The following C6orf120 variants were observed in gnomAD, a reference collection of about 807,000 sequenced individuals.
C6orf120 encodes the protein UPF0669 protein C6orf120.
For synonymous variants in C6orf120, 165 were observed against 123.1 expected (o/e 1.34, Z -2.25); for missense variants, 311 against 264.2 (o/e 1.18, Z -1.23).
chr6:169,704,939 T>C (rs1788724252), downstream of C6orf120: 4 of 426,638 alleles, frequency 9.4e-6, no homozygotes, highest in Non-Finnish European at 1.7e-5. Flanking sequence ...TTCTGGCCTT[T>C]CACTTATCCT....
At position 169,702,851 on chromosome 6, in the gene C6orf120, TGAA is replaced by T. The variant is rs745394722; in HGVS notation, c.394_396del (p.Lys132del). The stretch of plus-strand genomic sequence containing the variant: ...TCCCACCTGGAGAGCGAGTTCGAGA[TGAA>T]GGTGTACTACGACGGCACGGTCGAG... On this transcript the variant is annotated inframe_deletion, in exon 1 of 1. Transcript: ENST00000332290. 5.6e-6 allele frequency: 9 copies of T among 1,612,004 alleles called. 1 individual carries two copies. Among genetic ancestry groups the T allele is most frequent in the South Asian group, 5.5e-5 (5 of 91,078 alleles).
chr6:169,705,618 C>T, downstream of C6orf120: 2 of 1,363,928 alleles, frequency 1.5e-6, no homozygotes, highest in Non-Finnish European at 2.1e-6. Flanking sequence ...ATACTTACCA[C>T]TATTCTCACA....
At chr6:169,704,036 C>T in exon 1 of C6orf120, 1 of 1,600,082 alleles carries the variant, frequency 6.2e-7, no homozygotes, top group Admixed American at 1.8e-5. Context: ...CCCTTCTGCC[C>T]ACTTTCCTGG....
exon 1 of C6orf120, chr6:169,702,263 T>C (rs1788320557): frequency 1.6e-5 from 11 of 691,810 alleles, no homozygotes; most frequent in South Asian, 1.4e-4. Context: ...GGCGCCGCGC[T>C]ACGGGGGAGG....
chr6:169,704,872 A>G (rs1489879712), downstream of C6orf120: 3 of 347,588 alleles, frequency 8.6e-6, no homozygotes, highest in African/African-American at 6.3e-5. Context: ...TTAGTATTTC[A>G]GTAGAAAAAC....
At chr6:169,702,731 A>G in exon 1 of C6orf120, 1 of 1,613,532 alleles carries the variant, frequency 6.2e-7, no homozygotes, top group Non-Finnish European at 8.5e-7. Flanking sequence ...AGCTTCGACG[A>G]CTACGAGCTG....
exon 1 of C6orf120, chr6:169,704,310 G>GATGCAATGCCAT: frequency 2.0e-6 from 1 of 494,224 alleles, no homozygotes; most frequent in Non-Finnish European, 3.6e-6. Context: ...GGATGGGAGA[G>GATGCAATGCCAT]ATGCAATGCC....
chr6:169,705,391 A>G, downstream of C6orf120: 1 of 1,071,872 alleles, frequency 9.3e-7, no homozygotes, highest in Non-Finnish European at 1.4e-6. Context: ...ATAAAATACT[A>G]GTTTGCTTTA....
At chr6:169,705,738 A>G (rs778638360), downstream of C6orf120, 1 of 1,237,460 alleles carries the variant, frequency 8.1e-7, no homozygotes, top group South Asian at 1.2e-5. Flanking sequence ...GAAGGGTAGA[A>G]GAGGGCTATA....
At chr6:169,702,915 C>T (rs1427769380) in exon 1 of C6orf120, 2 of 1,612,700 alleles carry the variant, frequency 1.2e-6, no homozygotes, top group East Asian at 2.2e-5. Flanking sequence ...ACCCCGCCGA[C>T]GGCGCAGATG....
Position 169,704,228 on chromosome 6 carries a change from CTTAAT to C in C6orf120, c.*1198_*1202del, listed in dbSNP as rs1470324951. The C allele has an allele frequency of 1.2e-5, 7 of 578,454 alleles. No individual in the cohort carries two copies. In the Admixed American group the frequency reaches 2.1e-4, roughly 17 times the overall value. 35.8% of individuals were successfully genotyped at this position (578,454 alleles called of 1,614,324 possible). ...GTGGTGAGAAGGGCACTATGAGTTCCTTAATTTAAGGAAAAAATGTAAACTTAATC... is the reference window on the plus strand; with the variant it reads ...GTGGTGAGAAGGGCACTATGAGTTCCTTAAGGAAAAAATGTAAACTTAATC... On this transcript the variant is annotated 3_prime_UTR_variant, in exon 1 of 1. Coordinates refer to ENST00000332290, the Ensembl canonical transcript of C6orf120.
chr6:169,702,511 C>T (rs533725142), exon 1 of C6orf120: 1 of 1,605,880 alleles, frequency 6.2e-7, no homozygotes, highest in Non-Finnish European at 8.5e-7. Context: ...CCTGCTGCTG[C>T]TCCTAGCCTC....
chr6:169,706,264 C>A (rs930722638), downstream of C6orf120, among the ~76,000 whole-genome samples: 3 of 152,124 alleles, frequency 2.0e-5, no homozygotes, highest in Admixed American at 6.6e-5. Context: ...AAAGATGTCT[C>A]ATGCATACAT....
At position 169,702,636 on chromosome 6, in the gene C6orf120, GA is replaced by G. The variant is rs1445373571; in HGVS notation, c.179del (p.Asn60ThrfsTer6). On this transcript the variant is annotated frameshift_variant, in exon 1 of 1. Transcript: ENST00000332290. LOFTEE classifies it low-confidence loss of function (END_TRUNC). ...CCGGGAACTACAGCTACCTGCGGCT[GA>G]ACCACGAGGGCAAGATAGTCCTCAG... 6.2e-7 allele frequency: 1 copy of G among 1,613,382 alleles called. No homozygotes were observed. The highest frequency in any genetic ancestry group is 8.5e-7 in the Non-Finnish European group (1 of 1,179,990).
chr6:169,702,984 C>A, exon 1 of C6orf120: 1 of 1,592,882 alleles, frequency 6.3e-7, no homozygotes, highest in Non-Finnish European at 8.6e-7. Context: ...AATCTGTTCT[C>A]TGGACGATAT....
chr6:169,703,170 C>A, exon 1 of C6orf120: 1 of 955,562 alleles, frequency 1.0e-6, no homozygotes, highest in Non-Finnish European at 1.5e-6. Flanking sequence ...AAGCCATACG[C>A]AGTTTTGTTA....
chr6:169,703,036 G>A, exon 1 of C6orf120: 2 of 1,547,712 alleles, frequency 1.3e-6, no homozygotes, highest in Non-Finnish European at 1.7e-6. Flanking sequence ...TCTCTTTTGA[G>A]TCGTTGACCA....
exon 1 of C6orf120, chr6:169,702,324 T>C: frequency 1.6e-6 from 1 of 642,774 alleles, no homozygotes. Flanking sequence ...GAAGGGACAG[T>C]CCCAGCGACA....
chr6:169,703,201 G>A lies in C6orf120; in HGVS notation c.*166G>A, dbSNP rs147277916. On this transcript the variant is annotated 3_prime_UTR_variant, in exon 1 of 1. Transcript: ENST00000332290. ...TGTTACCTCAGTTACCCCAAAAATAGGAAAAGCAGCAAGCACAGTATTTTA... is the reference window on the plus strand; with the variant it reads ...TGTTACCTCAGTTACCCCAAAAATAAGAAAAGCAGCAAGCACAGTATTTTA... 2.7e-5 allele frequency: 18 copies of A among 677,632 alleles called. No individual in the cohort carries two copies. The Admixed American group carries it at 3.5e-4, about 13-fold the overall frequency. The allele number at this position is 677,632 out of a possible 1,614,324, so 42.0% of individuals were successfully genotyped here. A position where few individuals can be genotyped will look rare whatever the true frequency, so the allele number is the denominator to read the frequency against.
Sources: gnomAD v4.1 joint callset for allele counts (sites outside exome capture counted in the v4.1 genomes callset) on GRCh38, gnomAD v4.1.1 for gene constraint, MANE v1.5 for transcripts, NCBI Gene and HGNC (gene_info 2026-07-23, HGNC 2026-07-21) for gene names.